ITCH: variants seen among roughly 807,000 people sequenced by gnomAD.
ITCH encodes the protein E3 ubiquitin-protein ligase Itchy homolog.
A neutral mutation model predicts 126.8 loss-of-function variants in ITCH; 28 were observed. The observed-to-expected ratio is 0.22, with a 90% CI of 0.16 to 0.30. The LOEUF is 0.30. ITCH is among the 10% of genes least tolerant of loss of function. The pLI is 1.00. For synonymous variants in ITCH, 342 were observed against 340.0 expected, an observed-to-expected ratio of 1.01 and a Z score of -0.06; for missense variants, 631 against 1,032.4, an observed-to-expected ratio of 0.61 and a Z score of 5.33.
intron 23 of ITCH, among the ~76,000 whole-genome samples, chr20:34,496,572 G>A (rs111885623): frequency 3.3e-5 from 5 of 152,064 alleles, no homozygotes; most frequent in East Asian, 1.9e-4. Context: ...TTGGGAGGCC[G>A]AGACGGGTGG....
intron 20 of ITCH, among the ~76,000 whole-genome samples, chr20:34,486,649 T>C (rs1212614388): frequency 6.8e-6 from 1 of 147,088 alleles, no homozygotes; most frequent in Non-Finnish European, 1.5e-5. Context: ...TGTTGTGTTT[T>C]TCACTATTTT....
intron 1 of ITCH, among the ~76,000 whole-genome samples, chr20:34,366,714 G>GA (rs552025838): frequency 5.5e-5 from 8 of 145,666 alleles, no homozygotes; most frequent in East Asian, 2.0e-4. Context: ...CAAAAGGAAG[G>GA]AAAAAAAAAA....
At chr20:34,373,518 C>T (rs915489670) in intron 2 of ITCH, among the ~76,000 whole-genome samples, 7 of 152,186 alleles carry the variant, frequency 4.6e-5, no homozygotes, top group African/African-American at 1.2e-4. Context: ...TCAGGTGATC[C>T]GCCTGCCTTG....
At chr20:34,455,250 G>A (rs1186445135) in intron 12 of ITCH, among the ~76,000 whole-genome samples, 1 of 152,048 alleles carries the variant, frequency 6.6e-6, no homozygotes, top group Non-Finnish European at 1.5e-5. Context: ...AAAAGTTTCA[G>A]TTCATTCTAT....
rs139478566 is a variant in ITCH at position 34,467,173 on chromosome 20, G to A, written c.1425-2875G>A. Reference sequence around the variant, plus strand: ...TCTTTGAAAGATATGTCACCAAAATGGACACAAGAACAGATAGTAAGTCTA... The same window carrying A: ...TCTTTGAAAGATATGTCACCAAAATAGACACAAGAACAGATAGTAAGTCTA... On this transcript the variant is annotated intron_variant, in intron 14 of 24. Transcript: ENST00000374864. 3.5e-3 allele frequency among the ~76,000 whole-genome samples: 529 copies of A among 152,228 alleles called. 2 individuals carry two copies. The highest frequency in any genetic ancestry group is 0.012 in the African/African-American group (506 of 41,536).
At chr20:34,463,278 G>A (rs974854524) in intron 14 of ITCH, among the ~76,000 whole-genome samples, 2 of 152,148 alleles carry the variant, frequency 1.3e-5, no homozygotes, top group African/African-American at 2.4e-5. Context: ...CAGGAGAATC[G>A]CTTGAACCCA....
In ITCH at chr20:34,437,704, A is replaced by G. The variant is rs574066482; in HGVS notation, c.522-770A>G. On this transcript the variant is annotated intron_variant, in intron 7 of 24. Coordinates refer to ENST00000374864, the MANE Select transcript of ITCH (RefSeq NM_031483.7). ...CTGTGTAGTGGTTTGGAGGTAGTACATACCAGAGCCTTGGCTGAGACATCT... is the reference window on the plus strand; with the variant it reads ...CTGTGTAGTGGTTTGGAGGTAGTACGTACCAGAGCCTTGGCTGAGACATCT... Among the ~76,000 whole-genome samples, 8 of 152,358 alleles carry G rather than the reference A, an allele frequency of 5.3e-5. No homozygotes were observed. The South Asian group carries it at 1.7e-3, about 32-fold the overall frequency.
At position 34,489,219 on chromosome 20, in the gene ITCH, G is replaced by A. The variant is rs771834778; in HGVS notation, c.2094-47G>A. 5.2e-6 allele frequency: 8 copies of A among 1,552,614 alleles called. No homozygotes were observed. The South Asian group carries it at 9.4e-5, about 18-fold the overall frequency. On this transcript the variant is annotated intron_variant, in intron 20 of 24. Coordinates refer to ENST00000374864, the MANE Select transcript of ITCH (RefSeq NM_031483.7). ...TTTATTTTTATACTCAGAATTTAAAGATAAGATCTAAACTTCCTGATAGGT... is the reference window on the plus strand; with the variant it reads ...TTTATTTTTATACTCAGAATTTAAAAATAAGATCTAAACTTCCTGATAGGT...
At chr20:34,390,807 C>G (rs1400698134) in intron 2 of ITCH, among the ~76,000 whole-genome samples, 1 of 151,718 alleles carries the variant, frequency 6.6e-6, no homozygotes, top group Non-Finnish European at 1.5e-5. Flanking sequence ...GTTGCCCAGG[C>G]TGGAGTGCAA....
At chr20:34,485,494 T>C (rs1279603096) in intron 20 of ITCH, among the ~76,000 whole-genome samples, 1 of 152,222 alleles carries the variant, frequency 6.6e-6, no homozygotes, top group Non-Finnish European at 1.5e-5. Context: ...CAAGTACGTT[T>C]TTCTATGCAT....
chr20:34,445,280 G>GTT lies in ITCH; in HGVS notation c.966-7_966-6insTT. 1 of 945,294 alleles carries GTT rather than the reference G, an allele frequency of 1.1e-6. No individual in the cohort carries two copies. Among genetic ancestry groups the GTT allele is most frequent in the Non-Finnish European group, 1.5e-6 (1 of 689,080 alleles). 58.6% of individuals were successfully genotyped at this position (945,294 alleles called of 1,614,324 possible). ...AGCTTGTTTTTTTTTTTTTTTTTCTGATTTAGCTGGGAACGGCGGGTTGAC... is the reference window on the plus strand; with the variant it reads ...AGCTTGTTTTTTTTTTTTTTTTTCTGTTATTTAGCTGGGAACGGCGGGTTGAC... On this transcript the variant is annotated splice_region_variant and splice_polypyrimidine_tract_variant and intron_variant, in intron 10 of 24. Transcript: ENST00000374864.
chr20:34,434,207 G>A (rs576956870), intron 7 of ITCH, among the ~76,000 whole-genome samples: 1 of 152,092 alleles, frequency 6.6e-6, no homozygotes, highest in East Asian at 1.9e-4. Context: ...AGCCTGGGAG[G>A]TGAGGCGGGA....
chr20:34,439,216 A>G (rs1983422934), intron 8 of ITCH, among the ~76,000 whole-genome samples: 1 of 152,226 alleles, frequency 6.6e-6, no homozygotes, highest in Admixed American at 6.5e-5. Context: ...CTAGAAAAGT[A>G]CATTAGTTCT....
chr20:34,480,576 G>A (rs369370807), intron 18 of ITCH, 23 bp from the exon 19 acceptor site: 36 of 1,611,334 alleles, frequency 2.2e-5, no homozygotes, highest in Admixed American at 6.7e-5. Flanking sequence ...TATTTTAAGC[G>A]GTCTTGTTTC....
At chr20:34,418,791 C>T (rs6142164) in intron 6 of ITCH, among the ~76,000 whole-genome samples, 71,457 of 129,348 alleles carry the variant, frequency 0.55, 18,478 homozygotes, top group Admixed American at 0.67. Context: ...GACGGGGTTT[C>T]GCTCTTATTG....
Position 34,481,195 on chromosome 20 carries a change from G to C in ITCH, c.2082G>C (p.Glu694Asp), listed in dbSNP as rs377380158. Reference sequence around the variant, plus strand: ...TTCTTGTAACAGAAGAAAATAAAGAGGAATACATCAGGTGAGAGTGCTCCT... The same window carrying C: ...TTCTTGTAACAGAAGAAAATAAAGACGAATACATCAGGTGAGAGTGCTCCT... ...GNILVTEENKEEYIRMVAEWR... is the reference protein window; with the variant it reads ...GNILVTEENKDEYIRMVAEWR... Residue 694 changes from glutamate to aspartate, a missense_variant, in exon 20 of 25, where the codon GAG (glutamate) becomes GAC (aspartate). Physicochemically the swap from Glu to Asp is conservative, Grantham distance 45 (BLOSUM62 2). This residue lies in a region of ITCH where 390 missense variants were observed against 731.6 expected (regional missense o/e 0.53). Transcript: ENST00000374864. 1.2e-6 allele frequency: 2 copies of C among 1,613,288 alleles called. No individual in the cohort carries two copies. The highest frequency in any genetic ancestry group is 1.7e-5 in the Admixed American group (1 of 59,990).
intron 16 of ITCH, among the ~76,000 whole-genome samples, chr20:34,475,719 G>A (rs1463369424): frequency 2.6e-5 from 4 of 151,604 alleles, no homozygotes; most frequent in Non-Finnish European, 4.4e-5. Context: ...CAGGGGCAGG[G>A]GCAGGGGCAG....
chr20:34,460,281 T>G (rs1182370076), intron 13 of ITCH, among the ~76,000 whole-genome samples: 1 of 151,124 alleles, frequency 6.6e-6, no homozygotes, highest in African/African-American at 2.4e-5. Flanking sequence ...CTTGACCTCC[T>G]GGGCTCAAGC....
intron 23 of ITCH, among the ~76,000 whole-genome samples, chr20:34,498,923 A>G (rs533948367): frequency 6.6e-6 from 1 of 151,220 alleles, no homozygotes; most frequent in South Asian, 2.1e-4. Flanking sequence ...TCTTCTTTAA[A>G]TGTTTGTTAG....
Sources: allele counts gnomAD v4.1 joint callset (sites outside exome capture counted in the v4.1 genomes callset), GRCh38; gene constraint gnomAD v4.1.1; regional missense constraint gnomAD v4.1.1; transcripts MANE v1.5; gene names NCBI Gene and HGNC (gene_info 2026-07-23, HGNC 2026-07-21).